GMDS: variants seen among roughly 807,000 people sequenced by gnomAD.
GMDS encodes the protein GDP-mannose 4,6 dehydratase.
Under a neutral mutation model 49.9 loss-of-function variants are expected in GMDS, and 20 were observed. The ratio of observed to expected loss-of-function variants is 0.40; its 90% confidence interval spans 0.28 to 0.58. The LOEUF (loss-of-function observed/expected upper bound fraction) is 0.58, where lower values mean the gene tolerates loss of function less well. GMDS is among the 20% of genes least tolerant of loss of function. The pLI is 0.42. For synonymous variants in GMDS, 177 were observed against 178.6 expected (o/e 0.99, Z 0.07); for missense variants, 362 against 481.4 (o/e 0.75, Z 2.32).
At chr6:1,880,444 A>C (rs1224052074) in intron 7 of GMDS, among the ~76,000 whole-genome samples, 1 of 152,110 alleles carries the variant, frequency 6.6e-6, no homozygotes, top group African/African-American at 2.4e-5. Context: ...GTGACACAGC[A>C]AGATTTTGTC....
chr6:2,024,078 T>C (rs1390060952), intron 4 of GMDS, among the ~76,000 whole-genome samples: 1 of 151,778 alleles, frequency 6.6e-6, no homozygotes, highest in Non-Finnish European at 1.5e-5. Context: ...GAAAAAAAAT[T>C]GAGGAGAAAA....
chr6:1,888,152 A>G (rs1310607959), intron 7 of GMDS, among the ~76,000 whole-genome samples: 1 of 103,954 alleles, frequency 9.6e-6, no homozygotes, highest in South Asian at 2.6e-4. Context: ...TTTTTTTTTG[A>G]AGAGATGAGG....
intron 6 of GMDS, among the ~76,000 whole-genome samples, chr6:1,957,204 T>A (rs1763686652): frequency 6.6e-6 from 1 of 152,254 alleles, no homozygotes; most frequent in Admixed American, 6.5e-5. Context: ...ACCACCTAGC[T>A]TTCAAGTCAG....
At chr6:1,894,456 A>C (rs1760047846) in intron 7 of GMDS, among the ~76,000 whole-genome samples, 1 of 152,200 alleles carries the variant, frequency 6.6e-6, no homozygotes, top group Non-Finnish European at 1.5e-5. Flanking sequence ...TTTAATATTA[A>C]AACATTTCAT....
intron 9 of GMDS, among the ~76,000 whole-genome samples, chr6:1,685,988 T>G (rs147942908): frequency 6.6e-6 from 1 of 152,206 alleles, no homozygotes; most frequent in Non-Finnish European, 1.5e-5. Flanking sequence ...TGGGTGATCA[T>G]GCCATAAAGC....
chr6:1,657,853 C>CAAAAA (rs757277370), intron 9 of GMDS, among the ~76,000 whole-genome samples: 232 of 62,862 alleles, frequency 3.7e-3, no homozygotes, highest in Non-Finnish European at 4.8e-3. Flanking sequence ...AGAACTCAAG[C>CAAAAA]AAAAAAAAAA....
At chr6:2,032,092 T>C (rs1300090550) in intron 4 of GMDS, among the ~76,000 whole-genome samples, 1 of 152,140 alleles carries the variant, frequency 6.6e-6, no homozygotes, top group African/African-American at 2.4e-5. Flanking sequence ...AACCTCTCAA[T>C]GACCAAAGGG....
At chr6:2,104,802 A>C (rs1186313642) in intron 4 of GMDS, among the ~76,000 whole-genome samples, 1 of 152,230 alleles carries the variant, frequency 6.6e-6, no homozygotes, top group African/African-American at 2.4e-5. Flanking sequence ...TGAAATTTTA[A>C]GTCACTTAAG....
At chr6:1,674,560 C>CTCTT (rs1250819215) in intron 9 of GMDS, among the ~76,000 whole-genome samples, 7 of 73,438 alleles carry the variant, frequency 9.5e-5, no homozygotes, top group East Asian at 5.4e-4. Context: ...CTCTCTCTCT[C>CTCTT]TTTTTTTTTT....
At chr6:1,704,368 G>A (rs1765648313) in intron 9 of GMDS, among the ~76,000 whole-genome samples, 1 of 152,166 alleles carries the variant, frequency 6.6e-6, no homozygotes, top group African/African-American at 2.4e-5. Context: ...GAGGCTGGCA[G>A]AGTGGTGTGG....
intron 1 of GMDS, among the ~76,000 whole-genome samples, chr6:2,213,098 T>A (rs1322561551): frequency 1.3e-5 from 2 of 152,172 alleles, no homozygotes; most frequent in Admixed American, 6.5e-5. Context: ...AAAGGGGGCG[T>A]GGGCTCTCAC....
At chr6:1,737,534 C>T (rs61207262) in intron 8 of GMDS, among the ~76,000 whole-genome samples, 62,260 of 150,932 alleles carry the variant, frequency 0.41, 13,464 homozygotes, top group East Asian at 0.59. Flanking sequence ...GATACACACA[C>T]ATACACACCA....
intron 4 of GMDS, among the ~76,000 whole-genome samples, chr6:2,095,201 C>T (rs1773526483): frequency 6.6e-6 from 1 of 152,112 alleles, no homozygotes; most frequent in African/African-American, 2.4e-5. Context: ...CACGTGCACA[C>T]CTGATCATCA....
chr6:1,918,678 G>C (rs887953135), intron 7 of GMDS, among the ~76,000 whole-genome samples: 1 of 152,172 alleles, frequency 6.6e-6, no homozygotes, highest in Non-Finnish European at 1.5e-5. Flanking sequence ...GAGCCTGGGA[G>C]ATCAAGGCTG....
chr6:2,050,377 C>T (rs1255817098), intron 4 of GMDS, among the ~76,000 whole-genome samples: 1 of 152,060 alleles, frequency 6.6e-6, no homozygotes, highest in Non-Finnish European at 1.5e-5. Context: ...GAAATTGAGG[C>T]AATAATTAAT....
At chr6:1,877,304 G>C (rs1014682616) in intron 7 of GMDS, among the ~76,000 whole-genome samples, 2 of 151,930 alleles carry the variant, frequency 1.3e-5, no homozygotes, top group African/African-American at 4.8e-5. Context: ...TCAGACCTTA[G>C]ATATCCATTA....
chr6:1,754,861 T>C (rs548441864), intron 7 of GMDS, among the ~76,000 whole-genome samples: 7 of 152,252 alleles, frequency 4.6e-5, no homozygotes, highest in Admixed American at 2.0e-4. Context: ...ATAAACTAGG[T>C]ACTGATTGAA....
intron 4 of GMDS, among the ~76,000 whole-genome samples, chr6:2,095,200 A>T (rs1385474876): frequency 1.3e-5 from 2 of 152,148 alleles, no homozygotes; most frequent in African/African-American, 2.4e-5. Context: ...TCACGTGCAC[A>T]CCTGATCATC....
chr6:2,213,638 G>A (rs1456710684), intron 1 of GMDS, among the ~76,000 whole-genome samples: 2 of 152,212 alleles, frequency 1.3e-5, no homozygotes, highest in African/African-American at 4.8e-5. Flanking sequence ...TTCAGTGCAG[G>A]GCAGCTAGGA....
Sources: allele counts gnomAD v4.1 joint callset (sites outside exome capture counted in the v4.1 genomes callset), GRCh38; gene constraint gnomAD v4.1.1; transcripts MANE v1.5; gene names NCBI Gene and HGNC (gene_info 2026-07-23, HGNC 2026-07-21).